The following ZNF474 variants were observed in gnomAD, a reference collection of about 807,000 sequenced individuals.
ZNF474 encodes the protein 4933409D10Rik.
For missense variants in ZNF474, 511 were observed against 433.8 expected, an observed-to-expected ratio of 1.18 and a Z score of -1.58; for synonymous variants, 192 against 162.2, an observed-to-expected ratio of 1.18 and a Z score of -1.39.
At chr5:122,151,137 T>G (rs938766381) in intron 1 of ZNF474, among the ~76,000 whole-genome samples, 1 of 152,242 alleles carries the variant, frequency 6.6e-6, no homozygotes, top group African/African-American at 2.4e-5. Flanking sequence ...TTCAGGTCCA[T>G]GGACACTCAA....
intron 1 of ZNF474, among the ~76,000 whole-genome samples, chr5:122,139,888 AT>A (rs1483558017): frequency 4.6e-5 from 7 of 152,226 alleles, no homozygotes; most frequent in African/African-American, 1.4e-4. Flanking sequence ...CCATATTTGC[AT>A]TTAATGGAGT....
At chr5:122,132,060 C>A (rs1193095368) in intron 1 of ZNF474, among the ~76,000 whole-genome samples, 2 of 152,064 alleles carry the variant, frequency 1.3e-5, no homozygotes, top group Non-Finnish European at 2.9e-5. Context: ...ATTAGCTTTG[C>A]TTATTCATAG....
At chr5:122,151,677 G>A (rs1756174981) in intron 1 of ZNF474, 102 bp from the exon 2 acceptor site, 1 of 180,196 alleles carries the variant, frequency 5.5e-6, no homozygotes, top group South Asian at 1.7e-4. Context: ...CAAAAAAAAA[G>A]CACACACACA....
At chr5:122,149,578 A>G (rs967842976) in intron 1 of ZNF474, among the ~76,000 whole-genome samples, 2 of 152,222 alleles carry the variant, frequency 1.3e-5, no homozygotes, top group African/African-American at 4.8e-5. Flanking sequence ...AGAGCCACGT[A>G]TTGGAGCCAA....
intron 1 of ZNF474, among the ~76,000 whole-genome samples, chr5:122,131,515 G>A (rs1755576714): frequency 6.6e-6 from 1 of 151,892 alleles, no homozygotes; most frequent in African/African-American, 2.4e-5. Context: ...AACAACATGG[G>A]TGAAACTTGA....
Position 122,152,323 on chromosome 5 carries a change from T to C in ZNF474, c.333T>C (p.Ile111=). The part of the protein sequence containing the change: ...GREFGSQSIA[I]HEPQCLQKWH... ...AATTTGGGTCCCAGTCAATTGCCAT[T>C]CATGAACCCCAGTGCTTGCAGAAGT... is the stretch of plus-strand genomic sequence containing the variant. The change falls in exon 2 of 2, where the codon ATT becomes ATC. Residue 111 remains isoleucine, a synonymous_variant. Coordinates refer to ENST00000296600, the MANE Select transcript of ZNF474 (RefSeq NM_207317.3). 1.2e-6 allele frequency: 2 copies of C among 1,614,162 alleles called. No individual in the cohort carries two copies. Among genetic ancestry groups the C allele is most frequent in the Non-Finnish European group, 1.7e-6 (2 of 1,180,038 alleles).
At chr5:122,151,529 A>G (rs1229824219) in intron 1 of ZNF474, among the ~76,000 whole-genome samples, 1 of 152,178 alleles carries the variant, frequency 6.6e-6, no homozygotes, top group Non-Finnish European at 1.5e-5. Context: ...CTTTTTGGGC[A>G]GAACACGATT....
chr5:122,135,507 G>C (rs541171746), intron 1 of ZNF474, among the ~76,000 whole-genome samples: 1 of 152,306 alleles, frequency 6.6e-6, no homozygotes, highest in East Asian at 1.9e-4. Context: ...TGGTGGCGAG[G>C]ATGTGGAGAA....
chr5:122,135,739 A>G (rs935557654), intron 1 of ZNF474, among the ~76,000 whole-genome samples: 2 of 152,196 alleles, frequency 1.3e-5, no homozygotes, highest in African/African-American at 4.8e-5. Flanking sequence ...TGGAGTCAAG[A>G]TAAGTGTCCA....
chr5:122,130,809 A>C (rs1227108176), intron 1 of ZNF474, among the ~76,000 whole-genome samples: 1 of 152,198 alleles, frequency 6.6e-6, no homozygotes, highest in Non-Finnish European at 1.5e-5. Context: ...AGCTAATTGA[A>C]GTATTCATCA....
At chr5:122,151,234 C>T (rs768063764) in intron 1 of ZNF474, among the ~76,000 whole-genome samples, 1 of 152,124 alleles carries the variant, frequency 6.6e-6, no homozygotes, top group Admixed American at 6.5e-5. Context: ...ACTGATTTCA[C>T]CTGTGATAGC....
chr5:122,136,536 C>T (rs1037621116), intron 1 of ZNF474, among the ~76,000 whole-genome samples: 14 of 152,176 alleles, frequency 9.2e-5, no homozygotes, highest in African/African-American at 3.1e-4. Context: ...AGCAGCAGCA[C>T]ATCTATTCTG....
chr5:122,148,579 T>C (rs1756054785), intron 1 of ZNF474, among the ~76,000 whole-genome samples: 2 of 152,144 alleles, frequency 1.3e-5, no homozygotes, highest in Non-Finnish European at 2.9e-5. Context: ...CATTCATCGT[T>C]GGTCTGCCCC....
rs114373483 is a variant in ZNF474 at position 122,152,276 on chromosome 5, G to T, written c.286G>T (p.Val96Leu). Residue 96 changes from valine to leucine, a missense_variant, in exon 2 of 2, where the codon GTA becomes TTA. Val to Leu is a conservative substitution (Grantham distance 32). Transcript: ENST00000296600. ...VIPARRPGFR[V>L]CYICGREFGS... ...CCCGGCCCGCAGGCCTGGATTCCGG[G>T]TATGCTATATCTGTGGCCGAGAATT... The T allele has an allele frequency of 2.0e-3, 3,272 of 1,614,220 alleles. 58 individuals are homozygous for T. The African/African-American group carries it at 0.037, about 18-fold the overall frequency.
chr5:122,143,137 A>T (rs1308600322), intron 1 of ZNF474, among the ~76,000 whole-genome samples: 1 of 152,148 alleles, frequency 6.6e-6, no homozygotes, highest in Non-Finnish European at 1.5e-5. Flanking sequence ...CAACTTTGAA[A>T]CTGCTGTAAG....
chr5:122,138,851 G>A (rs1755769830), intron 1 of ZNF474, among the ~76,000 whole-genome samples: 1 of 152,070 alleles, frequency 6.6e-6, no homozygotes, highest in Non-Finnish European at 1.5e-5. Context: ...TCAGTGAGGT[G>A]ATAATAAGTA....
chr5:122,139,004 C>T (rs1180928178), intron 1 of ZNF474, among the ~76,000 whole-genome samples: 1 of 152,158 alleles, frequency 6.6e-6, no homozygotes, highest in Non-Finnish European at 1.5e-5. Flanking sequence ...TTAATATTTA[C>T]ATTCCTTGAA....
chr5:122,151,879 C>A lies in ZNF474; in HGVS notation c.-112C>A. 1 of 1,338,208 alleles carries A rather than the reference C, an allele frequency of 7.5e-7. No homozygotes were observed. Among genetic ancestry groups the A allele is most frequent in the Non-Finnish European group, 1.0e-6 (1 of 988,906 alleles). The allele number at this position is 1,338,208 out of a possible 1,614,324, so 82.9% of individuals were successfully genotyped here. A position where few individuals can be genotyped will look rare whatever the true frequency, so the allele number is the denominator to read the frequency against. On this transcript the variant is annotated 5_prime_UTR_variant, in exon 2 of 2. Transcript: ENST00000296600. ...ACGGTCTGTGAGGCTAAGGTACTGG[C>A]AACGGTGTGAACCCCAGGACAACTA...
At chr5:122,142,590 G>A (rs190283816) in intron 1 of ZNF474, among the ~76,000 whole-genome samples, 1 of 152,246 alleles carries the variant, frequency 6.6e-6, no homozygotes, top group East Asian at 1.9e-4. Context: ...TCATTCTAGT[G>A]GTTTTCTCCA....
Sources: allele counts gnomAD v4.1 joint callset (sites outside exome capture counted in the v4.1 genomes callset), GRCh38; gene constraint gnomAD v4.1.1; transcripts MANE v1.5; gene names NCBI Gene and HGNC (gene_info 2026-07-23, HGNC 2026-07-21).